The following MAST2 variants were observed in gnomAD, a reference collection of about 807,000 sequenced individuals.
MAST2 encodes microtubule-associated serine/threonine-protein kinase 2.
A neutral mutation model predicts 147.4 loss-of-function variants in MAST2; 70 were observed. That is an observed-to-expected ratio of 0.47 (90% CI 0.39 to 0.58). The LOEUF is 0.58. Among genes scored for constraint, MAST2 ranks in the 20% least tolerant of loss-of-function variants. The pLI, the probability that MAST2 is intolerant of heterozygous loss-of-function variation, is 0.00. For missense variants in MAST2, 2,080 were observed against 2,302.3 expected, an observed-to-expected ratio of 0.90 and a Z score of 1.98; for synonymous variants, 869 against 896.8, an observed-to-expected ratio of 0.97 and a Z score of 0.55.
In MAST2 at chr1:45,874,138, C is replaced by T. The variant is rs564968839; in HGVS notation, c.469-8226C>T. Reference sequence around the variant, plus strand: ...GACTGGTCTAAAGTATTTTCATGTACGTTACTTTATTTGACTTTTACAACT... The same window carrying T: ...GACTGGTCTAAAGTATTTTCATGTATGTTACTTTATTTGACTTTTACAACT... On this transcript the variant is annotated intron_variant, in intron 3 of 28. Transcript: ENST00000361297. 3.3e-5 allele frequency among the ~76,000 whole-genome samples: 5 copies of T among 152,114 alleles called. No homozygotes were observed. In the East Asian group the frequency reaches 7.7e-4, roughly 24 times the overall value.
At chr1:46,001,694 T>G (rs1645280324) in intron 6 of MAST2, among the ~76,000 whole-genome samples, 1 of 152,136 alleles carries the variant, frequency 6.6e-6, no homozygotes, top group South Asian at 2.1e-4. Flanking sequence ...GCTCACCCCT[T>G]ACAGAACAGA....
intron 4 of MAST2, chr1:45,913,569 G>C (rs1651996203): frequency 2.0e-6 from 2 of 987,450 alleles, no homozygotes; most frequent in African/African-American, 1.7e-5. Context: ...ATGATGTCAG[G>C]CAGATCAGAG....
chr1:45,895,583 C>T (rs1364604256), intron 4 of MAST2, among the ~76,000 whole-genome samples: 1 of 152,192 alleles, frequency 6.6e-6, no homozygotes, highest in Non-Finnish European at 1.5e-5. Context: ...GTGAGGTGTA[C>T]TTCTCTGATG....
chr1:45,843,197 T>G (rs1482803290), intron 3 of MAST2, among the ~76,000 whole-genome samples: 1 of 152,186 alleles, frequency 6.6e-6, no homozygotes, highest in Non-Finnish European at 1.5e-5. Flanking sequence ...GTTATATGAT[T>G]TCCAAATTTT....
At chr1:45,973,166 T>C (rs1222830219) in intron 5 of MAST2, among the ~76,000 whole-genome samples, 1 of 152,190 alleles carries the variant, frequency 6.6e-6, no homozygotes, top group Non-Finnish European at 1.5e-5. Context: ...TTCAGTCTGT[T>C]TGTGAGCTGT....
intron 1 of MAST2, among the ~76,000 whole-genome samples, chr1:45,822,064 T>G (rs548359631): frequency 6.6e-6 from 1 of 151,746 alleles, no homozygotes; most frequent in Admixed American, 6.6e-5. Flanking sequence ...AATTTTTGTA[T>G]TTTTAGTAGA....
At chr1:45,942,618 T>A (rs569122950) in intron 4 of MAST2, among the ~76,000 whole-genome samples, 3 of 152,290 alleles carry the variant, frequency 2.0e-5, no homozygotes, top group African/African-American at 7.2e-5. Flanking sequence ...CAAAGGATGA[T>A]TAATTGTGAA....
intron 4 of MAST2, among the ~76,000 whole-genome samples, chr1:45,925,043 T>C (rs1428166259): frequency 6.6e-6 from 1 of 152,208 alleles, no homozygotes; most frequent in Non-Finnish European, 1.5e-5. Context: ...CCAACACAGC[T>C]ATTGAGGCAT....
chr1:45,952,489 G>C (rs1166810775), intron 4 of MAST2, among the ~76,000 whole-genome samples: 5 of 152,140 alleles, frequency 3.3e-5, no homozygotes, highest in Non-Finnish European at 5.9e-5. Context: ...TACTAAAAAT[G>C]AATGAGTTGT....
chr1:45,883,132 C>A (rs1204895568), intron 4 of MAST2, among the ~76,000 whole-genome samples: 2 of 152,114 alleles, frequency 1.3e-5, no homozygotes, highest in African/African-American at 4.8e-5. Context: ...AGTAAAGTCA[C>A]ATCTGGGGAA....
chr1:45,807,744 G>A (rs1644182247), intron 1 of MAST2, among the ~76,000 whole-genome samples: 1 of 152,060 alleles, frequency 6.6e-6, no homozygotes, highest in African/African-American at 2.4e-5. Flanking sequence ...GTTTCACCAT[G>A]TTGGCCAGGC....
intron 10 of MAST2, among the ~76,000 whole-genome samples, chr1:46,015,238 T>C (rs1482684079): frequency 6.6e-6 from 1 of 151,348 alleles, no homozygotes; most frequent in Admixed American, 6.6e-5. Context: ...GATCCAAAAT[T>C]GACACCCTAA....
intron 1 of MAST2, among the ~76,000 whole-genome samples, chr1:45,823,823 G>A (rs1019897276): frequency 2.0e-5 from 3 of 152,072 alleles, no homozygotes; most frequent in African/African-American, 7.2e-5. Context: ...ATGTCTACAT[G>A]TTGATGATAT....
At chr1:45,846,894 TCAA>T (rs1035794837) in intron 3 of MAST2, 6 of 196,124 alleles carry the variant, frequency 3.1e-5, no homozygotes, top group Non-Finnish European at 6.4e-5. Context: ...TAAGAGAATG[TCAA>T]CATCAAATTC....
At chr1:45,888,005 T>G (rs911307303) in intron 4 of MAST2, among the ~76,000 whole-genome samples, 1 of 152,220 alleles carries the variant, frequency 6.6e-6, no homozygotes, top group African/African-American at 2.4e-5. Flanking sequence ...ATGTAGTTGT[T>G]GGCGAGCTTT....
chr1:46,011,127 G>A (rs1198820718), intron 10 of MAST2, 188 bp downstream of exon 10: 1 of 597,138 alleles, frequency 1.7e-6, no homozygotes, highest in African/African-American at 1.9e-5. Context: ...AAGCCTGCTT[G>A]GTATCAAAGG....
chr1:45,952,884 A>G (rs1320989173), intron 4 of MAST2, among the ~76,000 whole-genome samples: 1 of 152,214 alleles, frequency 6.6e-6, no homozygotes, highest in Non-Finnish European at 1.5e-5. Flanking sequence ...GAAGAAATAC[A>G]TGAGATCCCA....
intron 4 of MAST2, among the ~76,000 whole-genome samples, chr1:45,927,513 C>G (rs1419031143): frequency 6.6e-6 from 1 of 150,556 alleles, no homozygotes; most frequent in African/African-American, 2.4e-5. Flanking sequence ...AAGAATTCAG[C>G]GATATTTCTC....
At chr1:46,017,952 C>T (rs1387125707) in intron 10 of MAST2, among the ~76,000 whole-genome samples, 1 of 152,246 alleles carries the variant, frequency 6.6e-6, no homozygotes, top group Admixed American at 6.5e-5. Context: ...CTTCTGCCTT[C>T]CAGTTTCCCT....
Sources: allele counts gnomAD v4.1 joint callset (sites outside exome capture counted in the v4.1 genomes callset), GRCh38; gene constraint gnomAD v4.1.1; transcripts MANE v1.5; gene names NCBI Gene and HGNC (gene_info 2026-07-23, HGNC 2026-07-21).